The following TRPS1 variants were observed in gnomAD, a reference collection of about 807,000 sequenced individuals.
TRPS1 encodes zinc finger transcription factor Trps1.
Under a neutral mutation model 101.2 loss-of-function variants are expected in TRPS1, and 6 were observed. That is an observed-to-expected ratio of 0.06 (90% CI 0.03 to 0.12). The LOEUF is 0.12. TRPS1 is among the 10% of genes least tolerant of loss of function. TRPS1 has a pLI of 1.00. For missense variants in TRPS1, 1,363 were observed against 1,567.0 expected, an observed-to-expected ratio of 0.87 and a Z score of 2.20; for synonymous variants, 578 against 589.8, an observed-to-expected ratio of 0.98 and a Z score of 0.29.
At chr8:115,607,666 A>G (rs758396775) in intron 3 of TRPS1, among the ~76,000 whole-genome samples, 1 of 151,628 alleles carries the variant, frequency 6.6e-6, no homozygotes, top group Admixed American at 6.6e-5. Flanking sequence ...TATTAGTATT[A>G]TATATTATTA....
chr8:115,665,941 C>G lies in TRPS1; in HGVS notation c.-122+2604G>C, dbSNP rs144317670. Among the ~76,000 whole-genome samples, 992 of 152,236 alleles carry G rather than the reference C, an allele frequency of 6.5e-3. 11 individuals carry two copies. Among genetic ancestry groups the G allele is most frequent in the Middle Eastern group, 0.037 (11 of 294 alleles). ...ATATCCTAACATATAACATACATAT[C>G]AGGAAGCCATAAACATCAGCTCGCC... On this transcript the variant is annotated intron_variant, in intron 1 of 6. Transcript: ENST00000395715.
At chr8:115,497,486 T>A (rs1815178555) in intron 5 of TRPS1, among the ~76,000 whole-genome samples, 1 of 152,144 alleles carries the variant, frequency 6.6e-6, no homozygotes, top group Non-Finnish European at 1.5e-5. Flanking sequence ...TTGGGAAACA[T>A]CTATTTCCTC....
At position 115,418,434 on chromosome 8, in the gene TRPS1, C is replaced by T. The variant is rs533912846; in HGVS notation, c.2719G>A (p.Val907Ile). The change falls in exon 6 of 7, where the codon GTT (valine) becomes ATT (isoleucine). Residue 907 changes from valine (V) to isoleucine (I), a missense_variant. Physicochemically the swap from Val to Ile is conservative, Grantham distance 29 (BLOSUM62 3). Transcript: ENST00000395715. This position sits in a 1 kb window ranked among gnomAD's most constrained non-coding sequence, Gnocchi z 4.3. Reference sequence around the variant, plus strand: ...GTGGTCAGGCAATTGGCACAAAAAACACCGGAGCCTCTACGCCTCTGAAAC... The same window carrying T: ...GTGGTCAGGCAATTGGCACAAAAAATACCGGAGCCTCTACGCCTCTGAAAC... ...SLLRRRRGSG[V>I]FCANCLTTKT... 1.2e-6 allele frequency: 2 copies of T among 1,614,138 alleles called. No homozygotes were observed. Among genetic ancestry groups the T allele is most frequent in the South Asian group, 2.2e-5 (2 of 91,084 alleles).
intron 5 of TRPS1, among the ~76,000 whole-genome samples, chr8:115,421,493 C>CA (rs1813053561): frequency 6.6e-6 from 1 of 152,140 alleles, no homozygotes; most frequent in African/African-American, 2.4e-5. Context: ...GTGTTTCTTT[C>CA]ATACCAATCT....
chr8:115,489,119 C>T (rs1814959455), intron 5 of TRPS1, among the ~76,000 whole-genome samples: 1 of 152,144 alleles, frequency 6.6e-6, no homozygotes, highest in African/African-American at 2.4e-5. Flanking sequence ...CATTCTTATG[C>T]AAAATGGAAT....
At chr8:115,464,591 T>C (rs1814272180) in intron 5 of TRPS1, among the ~76,000 whole-genome samples, 1 of 152,154 alleles carries the variant, frequency 6.6e-6, no homozygotes, top group Non-Finnish European at 1.5e-5. Flanking sequence ...CAGTAGGAAA[T>C]GTGCAACAAT....
intron 5 of TRPS1, among the ~76,000 whole-genome samples, chr8:115,538,916 C>T (rs1452071325): frequency 6.6e-6 from 1 of 152,118 alleles, no homozygotes; most frequent in Admixed American, 6.6e-5. Context: ...AACAACCTCT[C>T]CAACATAATA....
intron 5 of TRPS1, among the ~76,000 whole-genome samples, chr8:115,421,313 G>T (rs1813048507): frequency 6.6e-6 from 1 of 152,046 alleles, no homozygotes. Context: ...ATTAATAGAT[G>T]CAATTAAAAC....
intron 5 of TRPS1, among the ~76,000 whole-genome samples, chr8:115,527,622 C>G (rs1435836419): frequency 1.3e-5 from 2 of 151,990 alleles, no homozygotes; most frequent in African/African-American, 4.8e-5. Flanking sequence ...TATAATAAAA[C>G]TGAAACTGTG....
At chr8:115,505,611 T>C (rs1357328511) in intron 5 of TRPS1, among the ~76,000 whole-genome samples, 3 of 152,144 alleles carry the variant, frequency 2.0e-5, no homozygotes, top group African/African-American at 7.2e-5. Flanking sequence ...ATTCTTTATC[T>C]GAAATTTTCT....
intron 3 of TRPS1, among the ~76,000 whole-genome samples, chr8:115,606,409 C>A (rs1233304084): frequency 6.6e-6 from 1 of 152,130 alleles, no homozygotes; most frequent in Non-Finnish European, 1.5e-5. Context: ...AATATATAAA[C>A]AACTCAACAT....
chr8:115,661,787 T>C (rs1811802622), intron 1 of TRPS1: 1 of 148,332 alleles, frequency 6.7e-6, no homozygotes, highest in Admixed American at 6.8e-5. Flanking sequence ...CCACAAAACC[T>C]CCCACCAACC....
chr8:115,584,216 T>C (rs901674717), intron 5 of TRPS1, among the ~76,000 whole-genome samples: 3 of 152,050 alleles, frequency 2.0e-5, no homozygotes, highest in African/African-American at 7.2e-5. Flanking sequence ...TAATTCTTGA[T>C]ATCACTCTGT....
chr8:115,605,186 C>T (rs1818009303), intron 3 of TRPS1, among the ~76,000 whole-genome samples, 184 bp from the exon 4 acceptor site: 1 of 152,160 alleles, frequency 6.6e-6, no homozygotes, highest in African/African-American at 2.4e-5. Context: ...TCAACAGCTA[C>T]TCTTTGAGAG....
At chr8:115,649,680 C>T (rs1410982631) in intron 1 of TRPS1, among the ~76,000 whole-genome samples, 3 of 152,192 alleles carry the variant, frequency 2.0e-5, no homozygotes, top group Non-Finnish European at 2.9e-5. Context: ...TGCTTAGCTG[C>T]GCATCTACCA....
chr8:115,419,068 T>C (rs1345793384), intron 5 of TRPS1, among the ~76,000 whole-genome samples: 1 of 152,182 alleles, frequency 6.6e-6, no homozygotes, highest in African/African-American at 2.4e-5. Flanking sequence ...GTATTACTAA[T>C]GAGAACCCTT....
chr8:115,445,926 T>A (rs1813722509), intron 5 of TRPS1, among the ~76,000 whole-genome samples: 1 of 152,206 alleles, frequency 6.6e-6, no homozygotes, highest in South Asian at 2.1e-4. Flanking sequence ...GAAGTATACT[T>A]AAATATATGA....
chr8:115,625,769 C>T (rs1378921184), intron 1 of TRPS1, among the ~76,000 whole-genome samples: 1 of 151,848 alleles, frequency 6.6e-6, no homozygotes, highest in African/African-American at 2.4e-5. Context: ...GACACACACA[C>T]ATCACATTCT....
At chr8:115,467,960 T>C (rs776887833) in intron 5 of TRPS1, among the ~76,000 whole-genome samples, 18 of 152,202 alleles carry the variant, frequency 1.2e-4, no homozygotes, top group Admixed American at 3.3e-4. Flanking sequence ...TTAGAATGAC[T>C]GAGGCAGCCT....
Sources: gnomAD v4.1 joint callset for allele counts (sites outside exome capture counted in the v4.1 genomes callset) on GRCh38, gnomAD v4.1.1 for gene constraint, Gnocchi (gnomAD v3.1) non-coding constraint, MANE v1.5 for transcripts, NCBI Gene and HGNC (gene_info 2026-07-23, HGNC 2026-07-21) for gene names.